NAAA: variants seen among roughly 807,000 people sequenced by gnomAD.
NAAA encodes N-acylethanolamine acid amidase, also known as N-acylethanolamine-hydrolyzing acid amidase.
NAAA carries 39 observed loss-of-function variants against 44.8 expected under a neutral mutation model. The observed-to-expected ratio is 0.87, with a 90% CI of 0.67 to 1.14. The LOEUF (loss-of-function observed/expected upper bound fraction) is 1.14, where lower values mean the gene tolerates loss of function less well. Among genes scored for constraint, NAAA ranks in the 50% most tolerant of loss-of-function variants. The pLI is 0.00. For missense variants in NAAA, 460 were observed against 467.8 expected (o/e 0.98, Z 0.15); for synonymous variants, 178 against 191.3 (o/e 0.93, Z 0.58).
At chr4:75,911,317 G>A (rs1394527510), downstream of NAAA, 3 of 517,680 alleles carry the variant, frequency 5.8e-6, no homozygotes, top group Admixed American at 6.8e-5. Flanking sequence ...CTTGGGCTCA[G>A]AGGCCTGACA....
At chr4:75,923,826 C>T (rs879334107) in intron 5 of NAAA, among the ~76,000 whole-genome samples, 3 of 152,128 alleles carry the variant, frequency 2.0e-5, no homozygotes, top group Non-Finnish European at 2.9e-5. Flanking sequence ...GTGTGAGCCA[C>T]CGCGCCCGGC....
chr4:75,940,612 G>T, intron 1 of NAAA, 132 bp downstream of exon 1: 2 of 1,067,498 alleles, frequency 1.9e-6, no homozygotes, highest in Non-Finnish European at 2.6e-6. Context: ...GCTCAGGGCG[G>T]CAGCCAAAAC....
rs550335186 is a variant in NAAA at position 75,928,107 on chromosome 4, T to C, written c.590-2296A>G. On this transcript the variant is annotated intron_variant, in intron 4 of 10. Transcript: ENST00000286733. ...ACCAGACCTTATTCCTCCTGTCTAA[T>C]TGAAACTTTGTACCCTTTGACCATT... is the stretch of plus-strand genomic sequence containing the variant. 1.1e-4 allele frequency among the ~76,000 whole-genome samples: 17 copies of C among 152,024 alleles called. No individual in the cohort carries two copies. In the South Asian group the frequency reaches 2.1e-3, roughly 19 times the overall value.
rs763450823 is a variant in NAAA at position 75,914,858 on chromosome 4, A to G, written c.*36+10T>C. 1.2e-6 allele frequency: 2 copies of G among 1,603,672 alleles called. No individual in the cohort carries two copies. Among genetic ancestry groups the G allele is most frequent in the Non-Finnish European group, 1.7e-6 (2 of 1,170,892 alleles). ...CCTCACCCCCTCTCCACAAAACAGTAACAACAAACCTTTCACAGCACGGGC... is the reference window on the plus strand; with the variant it reads ...CCTCACCCCCTCTCCACAAAACAGTGACAACAAACCTTTCACAGCACGGGC... On this transcript the variant is annotated intron_variant, in intron 10 of 10. Coordinates refer to ENST00000286733, the MANE Select transcript of NAAA (RefSeq NM_014435.4).
chr4:75,913,532 C>T, downstream of NAAA: 2 of 329,512 alleles, frequency 6.1e-6, no homozygotes, highest in Non-Finnish European at 4.3e-6. Flanking sequence ...CTCTACCAAG[C>T]AGCTGTTCAT....
At chr4:75,923,655 T>C (rs1726384650) in intron 5 of NAAA, among the ~76,000 whole-genome samples, 1 of 151,440 alleles carries the variant, frequency 6.6e-6, no homozygotes, top group African/African-American at 2.4e-5. Context: ...TTCTCCTGCC[T>C]CAGCCACCCA....
downstream of NAAA, among the ~76,000 whole-genome samples, chr4:75,913,129 T>TA (rs1409957461): frequency 6.6e-6 from 1 of 152,160 alleles, no homozygotes; most frequent in African/African-American, 2.4e-5. Flanking sequence ...TTATCTTATG[T>TA]AAAATGTAGA....
intron 4 of NAAA, among the ~76,000 whole-genome samples, chr4:75,929,837 C>G (rs1411176125): frequency 6.6e-6 from 1 of 152,130 alleles, no homozygotes; most frequent in South Asian, 2.1e-4. Context: ...CGCCTGTAAT[C>G]CCAGCACTTT....
At position 75,929,991 on chromosome 4, in the gene NAAA, A is replaced by T. The variant is rs908182300; in HGVS notation, c.589+1223T>A. On this transcript the variant is annotated intron_variant, in intron 4 of 10. Coordinates refer to ENST00000286733, the MANE Select transcript of NAAA (RefSeq NM_014435.4). ...GTAATCCCAGCTACTCAGGAAGCTGAGGCATGAGAATCGGCTGAGCCCGGG... is the reference window on the plus strand; with the variant it reads ...GTAATCCCAGCTACTCAGGAAGCTGTGGCATGAGAATCGGCTGAGCCCGGG... Among the ~76,000 whole-genome samples, 4 of 152,130 alleles carry T rather than the reference A, an allele frequency of 2.6e-5. No individual in the cohort carries two copies. The East Asian group carries it at 7.7e-4, about 29-fold the overall frequency.
intron 8 of NAAA, chr4:75,919,698 T>G (rs1422526506): frequency 5.0e-6 from 3 of 599,772 alleles, no homozygotes; most frequent in Non-Finnish European, 8.8e-6. Context: ...CAGGATTGTC[T>G]CAATCTCCTG....
intron 3 of NAAA, among the ~76,000 whole-genome samples, chr4:75,933,066 T>C (rs1578077594): frequency 6.9e-6 from 1 of 144,180 alleles, no homozygotes; most frequent in African/African-American, 2.6e-5. Flanking sequence ...ACCCAGGAGG[T>C]AGAGGTTGCC....
chr4:75,940,763 C>A lies in NAAA; in HGVS notation c.187G>T (p.Ala63Ser). 6.3e-7 allele frequency: 1 copy of A among 1,597,462 alleles called. No individual in the cohort carries two copies. Among genetic ancestry groups the A allele is most frequent in the East Asian group, 2.3e-5 (1 of 44,436 alleles). The change falls in exon 1 of 11, where the codon GCG becomes TCG. Residue 63 changes from alanine (A) to serine (S), a missense_variant. Physicochemically the swap from Ala to Ser is moderately conservative, Grantham distance 99. Transcript: ENST00000286733. Reference sequence around the variant, plus strand: ...GCTCACCCGATGACTTGCGCCATCGCGGCGCGCACCAAGTCCAAGTCGTAG... The same window carrying A: ...GCTCACCCGATGACTTGCGCCATCGAGGCGCGCACCAAGTCCAAGTCGTAG... ...RHYDLDLVRA[A>S]MAQVIGDRVP...
At chr4:75,935,831 C>T in intron 3 of NAAA, 1 of 494,778 alleles carries the variant, frequency 2.0e-6, no homozygotes, top group Non-Finnish European at 3.5e-6. Context: ...AAAGAGCTGA[C>T]TCTGCATAAG....
rs201541097 is a variant in NAAA at position 75,931,315 on chromosome 4, G to C, written c.499-11C>G. ...TCCTGTGAATGCAATCTGAAATCAAGAGATAACATGGATCATTTCACCATT... is the reference window on the plus strand; with the variant it reads ...TCCTGTGAATGCAATCTGAAATCAACAGATAACATGGATCATTTCACCATT... On this transcript the variant is annotated splice_polypyrimidine_tract_variant and intron_variant, in intron 3 of 10. Transcript: ENST00000286733. 22 of 1,583,496 alleles carry C rather than the reference G, an allele frequency of 1.4e-5. No homozygotes were observed. Among genetic ancestry groups the C allele is most frequent in the East Asian group, 1.1e-4 (5 of 44,620 alleles).
downstream of NAAA, among the ~76,000 whole-genome samples, chr4:75,912,976 G>A (rs1227444523): frequency 6.6e-6 from 1 of 152,038 alleles, no homozygotes; most frequent in Non-Finnish European, 1.5e-5. Context: ...TATGTCAGGG[G>A]AGCGATGTTC....
chr4:75,940,736 C>G lies in NAAA; in HGVS notation c.206+8G>C. ...TCCCCGCAGACCCCGTCCAGGGCCC[C>G]AGCTCACCCGATGACTTGCGCCATC... On this transcript the variant is annotated splice_region_variant and intron_variant, in intron 1 of 10. Coordinates refer to ENST00000286733, the MANE Select transcript of NAAA (RefSeq NM_014435.4). 1 of 1,594,090 alleles carries G rather than the reference C, an allele frequency of 6.3e-7. No individual in the cohort carries two copies. Among genetic ancestry groups the G allele is most frequent in the Non-Finnish European group, 8.5e-7 (1 of 1,177,360 alleles).
chr4:75,940,258 C>A (rs750572191), intron 1 of NAAA, 93 bp from the exon 2 acceptor site: 6 of 1,360,520 alleles, frequency 4.4e-6, no homozygotes, highest in African/African-American at 1.5e-5. Context: ...ATCCTTAGGG[C>A]GTGAGGTCTC....
intron 9 of NAAA, among the ~76,000 whole-genome samples, 185 bp downstream of exon 9, chr4:75,918,576 A>C (rs2869456): frequency 0.13 from 19,415 of 147,520 alleles, 1,630 homozygotes; most frequent in East Asian, 0.3. Context: ...CACCCCACCC[A>C]TATTAGTCCC....
intron 8 of NAAA, chr4:75,919,681 T>G: frequency 1.7e-6 from 1 of 587,520 alleles, no homozygotes. Flanking sequence ...GGTTTCACTG[T>G]GTTAGCCAGG....
Sources: allele counts gnomAD v4.1 joint callset (sites outside exome capture counted in the v4.1 genomes callset), GRCh38; gene constraint gnomAD v4.1.1; transcripts MANE v1.5; gene names NCBI Gene and HGNC (gene_info 2026-07-23, HGNC 2026-07-21).